The following MSH5 variants were observed in gnomAD, a reference collection of about 807,000 sequenced individuals.
The protein encoded by MSH5 is mutS homolog 5, also known as mutS protein homolog 5.
MSH5 carries 78 observed loss-of-function variants against 107.7 expected under a neutral mutation model. The observed-to-expected ratio is 0.72, with a 90% CI of 0.60 to 0.87. The LOEUF (loss-of-function observed/expected upper bound fraction) is 0.87, where lower values mean the gene tolerates loss of function less well. Ranked by LOEUF, MSH5 falls within the 40% of genes least tolerant of loss-of-function variation. The probability of loss-of-function intolerance (pLI) is 0.00; values close to 1 mark genes in which losing one functional copy is unlikely to be tolerated. For missense variants in MSH5, 889 were observed against 1,046.6 expected, an observed-to-expected ratio of 0.85 and a Z score of 2.08; for synonymous variants, 326 against 399.5, an observed-to-expected ratio of 0.82 and a Z score of 2.19.
Position 31,742,863 on chromosome 6 carries a change from G to C in MSH5, c.272-14G>C. The C allele has an allele frequency of 4.3e-6, 7 of 1,612,530 alleles. No homozygotes were observed. Among genetic ancestry groups the C allele is most frequent in the Non-Finnish European group, 5.9e-6 (7 of 1,179,550 alleles). On this transcript the variant is annotated splice_polypyrimidine_tract_variant and intron_variant, in intron 3 of 24. Transcript: ENST00000375750. ...AGATCCTTTAACTCATTTGATCTCT[G>C]TTCTCCTTCCAAGTTCTGGATGAGA...
chr6:31,760,250 G>A lies in MSH5; in HGVS notation c.1812+34G>A, dbSNP rs376281042. The A allele has an allele frequency of 1.0e-5, 16 of 1,543,690 alleles. No homozygotes were observed. The highest frequency in any genetic ancestry group is 2.8e-5 in the African/African-American group (2 of 72,534). ...AAGCCCTGCAGCCTGGGCCTCTGGC[G>A]TCTCCTGCATCTACTCCACCCCTAC... On this transcript the variant is annotated intron_variant, in intron 19 of 24. Coordinates refer to ENST00000375750, the MANE Select transcript of MSH5 (RefSeq NM_172166.4). The surrounding 1 kb of genome is among the most constrained non-coding windows in gnomAD (Gnocchi z 5.6).
chr6:31,741,980 A>C (rs1404175594), intron 3 of MSH5, among the ~76,000 whole-genome samples: 4 of 151,858 alleles, frequency 2.6e-5, no homozygotes, highest in Admixed American at 2.6e-4. Context: ...TAGAGTGAGA[A>C]CCTCTCACTC....
intron 10 of MSH5, among the ~76,000 whole-genome samples, chr6:31,753,087 G>A (rs1267929128): frequency 6.6e-6 from 1 of 152,200 alleles, no homozygotes; most frequent in Non-Finnish European, 1.5e-5. Context: ...ACTGTGATAT[G>A]TAGACACAAT....
Position 31,760,960 on chromosome 6 carries a change from G to A in MSH5, c.1962+121G>A. On this transcript the variant is annotated intron_variant, in intron 20 of 24. Coordinates refer to ENST00000375750, the MANE Select transcript of MSH5 (RefSeq NM_172166.4). The surrounding 1 kb of genome is among the most constrained non-coding windows in gnomAD (Gnocchi z 5.6). ...ATGCCCTTTATACTAAAAGTGGGGA[G>A]CACTAAGGTCAGAGATAAGAAGAAT... 1 of 1,214,652 alleles carries A rather than the reference G, an allele frequency of 8.2e-7. No homozygotes were observed. Among genetic ancestry groups the A allele is most frequent in the Non-Finnish European group, 1.1e-6 (1 of 874,464 alleles). 75.2% of individuals were successfully genotyped at this position (1,214,652 alleles called of 1,614,324 possible).
chr6:31,750,943 G>C (rs1316536783), intron 10 of MSH5, among the ~76,000 whole-genome samples: 1 of 152,124 alleles, frequency 6.6e-6, no homozygotes, highest in Non-Finnish European at 1.5e-5. Flanking sequence ...TAAGTATACA[G>C]GGATACCCGG....
chr6:31,753,308 T>C lies in MSH5; in HGVS notation c.820T>C (p.Phe274Leu). ...CCAAACCCTCACTTCCAGGCTATGG[T>C]TCACACGTCCGACTCATGACCTGGG... ...KWGEKLLRLWFTRPTHDLGEL... is the reference protein window; with the variant it reads ...KWGEKLLRLWLTRPTHDLGEL... The change falls in exon 11 of 25, where the codon TTC becomes CTC. Residue 274 changes from phenylalanine (F) to leucine (L), a missense_variant. This residue lies in a region of MSH5 where 518 missense variants were observed against 565.0 expected (regional missense o/e 0.92). Transcript: ENST00000375750. 6.2e-7 allele frequency: 1 copy of C among 1,608,124 alleles called. No individual in the cohort carries two copies.
In MSH5 at chr6:31,745,789, A is replaced by AGG. The variant is rs1562223868; in HGVS notation, c.766+470_766+471insGG. ...GGTTTTTTTTTTTTTTTTTTTTGAT[A>AGG]CAGAGTCTCGCTCTGTCGCCCAGGC... On this transcript the variant is annotated intron_variant, in intron 9 of 24. Transcript: ENST00000375750. Among the ~76,000 whole-genome samples, 70 of 119,778 alleles carry AGG rather than the reference A, an allele frequency of 5.8e-4. 1 individual carries two copies. Among genetic ancestry groups the AGG allele is most frequent in the African/African-American group, 1.5e-3 (45 of 30,042 alleles). 78.6% of individuals were successfully genotyped at this position (119,778 alleles called of 152,430 possible).
In MSH5 at chr6:31,759,666, G is replaced by T; in HGVS notation, c.1496-120G>T. On this transcript the variant is annotated intron_variant, in intron 17 of 24. Coordinates refer to ENST00000375750, the MANE Select transcript of MSH5 (RefSeq NM_172166.4). This position sits in a 1 kb window ranked among gnomAD's most constrained non-coding sequence, Gnocchi z 4.7. ...TCACTCTGACTCTATCTTTTCCTCT[G>T]AATGTCTTGAGGTCTCAGATTGTAT... is the stretch of plus-strand genomic sequence containing the variant. The T allele has an allele frequency of 7.3e-7, 1 of 1,366,960 alleles. No homozygotes were observed. 84.7% of individuals were successfully genotyped at this position (1,366,960 alleles called of 1,614,324 possible).
intron 3 of MSH5, among the ~76,000 whole-genome samples, chr6:31,741,814 A>G (rs528524632): frequency 7.9e-5 from 12 of 152,208 alleles, no homozygotes; most frequent in Non-Finnish European, 1.3e-4. Context: ...ATGGTTGGAA[A>G]GCTCAAAATT....
At chr6:31,741,318 C>G in intron 3 of MSH5, 32 bp downstream of exon 3, 1 of 1,597,818 alleles carries the variant, frequency 6.3e-7, no homozygotes. Flanking sequence ...CCTCTGCTCT[C>G]TGGGATTGCA....
chr6:31,747,765 G>T (rs768497667), intron 10 of MSH5, among the ~76,000 whole-genome samples: 4 of 152,168 alleles, frequency 2.6e-5, no homozygotes, highest in Admixed American at 6.5e-5. Flanking sequence ...CAGCACTTTG[G>T]GGGGCCAAGG....
rs200560654 is a variant in MSH5 at position 31,760,079 on chromosome 6, G to T, written c.1686-11G>T. ...CACAAGCCATGCGAGGTGCCTCTCC[G>T]CCCACTGCAGACATCCTCTGATGGA... is the stretch of plus-strand genomic sequence containing the variant. On this transcript the variant is annotated splice_polypyrimidine_tract_variant and intron_variant, in intron 18 of 24. Transcript: ENST00000375750. The surrounding 1 kb of genome is among the most constrained non-coding windows in gnomAD (Gnocchi z 5.6). The T allele has an allele frequency of 1.2e-4, 188 of 1,600,814 alleles. No homozygotes were observed. Among genetic ancestry groups the T allele is most frequent in the Non-Finnish European group, 7.5e-5 (88 of 1,172,414 alleles).
In MSH5 at chr6:31,759,132, C is replaced by T. The variant is rs769273879; in HGVS notation, c.1362C>T (p.Ser454=). 5 of 1,612,994 alleles carry T rather than the reference C, an allele frequency of 3.1e-6. No individual in the cohort carries two copies. The highest frequency in any genetic ancestry group is 3.4e-6 in the Non-Finnish European group (4 of 1,180,026). ...GFLLSIPRLP[S]MVEASDFEIN... Reference sequence around the variant, plus strand: ...TTCTTTCTATTCCCCGCCTGCCTTCCATGGTAGAGGCCAGTGACTTTGAGA... The same window carrying T: ...TTCTTTCTATTCCCCGCCTGCCTTCTATGGTAGAGGCCAGTGACTTTGAGA... Residue 454 remains serine, a synonymous_variant, in exon 16 of 25, where the codon TCC becomes TCT. Transcript: ENST00000375750. This position sits in a 1 kb window ranked among gnomAD's most constrained non-coding sequence, Gnocchi z 4.7.
At chr6:31,750,476 A>G (rs901743472) in intron 10 of MSH5, among the ~76,000 whole-genome samples, 2 of 152,204 alleles carry the variant, frequency 1.3e-5, no homozygotes, top group African/African-American at 4.8e-5. Flanking sequence ...AGCTGTTCTC[A>G]TTGGCGGTAT....
intron 8 of MSH5, among the ~76,000 whole-genome samples, chr6:31,744,887 G>T (rs917587291): frequency 1.3e-5 from 2 of 152,146 alleles, no homozygotes; most frequent in Non-Finnish European, 1.5e-5. Flanking sequence ...GCCAAGGCGG[G>T]TGGATCGCCT....
Position 31,759,599 on chromosome 6 carries a change from A to G in MSH5, c.1495+87A>G, listed in dbSNP as rs1186649036. On this transcript the variant is annotated intron_variant, in intron 17 of 24. Coordinates refer to ENST00000375750, the MANE Select transcript of MSH5 (RefSeq NM_172166.4). The surrounding 1 kb of genome is among the most constrained non-coding windows in gnomAD (Gnocchi z 4.7). ...AAGGAGGGGAGTGGGCAACTTGGGG[A>G]TGCTTCCAACAGGCCCCTCCTCTTC... 4 of 1,459,980 alleles carry G rather than the reference A, an allele frequency of 2.7e-6. No individual in the cohort carries two copies. Among genetic ancestry groups the G allele is most frequent in the Admixed American group, 1.8e-5 (1 of 55,890 alleles). 90.4% of individuals were successfully genotyped at this position (1,459,980 alleles called of 1,614,324 possible). A position where few individuals can be genotyped will look rare whatever the true frequency, so the allele number is the denominator to read the frequency against.
chr6:31,745,123 A>G lies in MSH5; in HGVS notation c.684-114A>G, dbSNP rs1208226963. The G allele has an allele frequency of 7.8e-6, 5 of 638,216 alleles. No homozygotes were observed. In the African/African-American group the frequency reaches 9.5e-5, roughly 12 times the overall value. The allele number at this position is 638,216 out of a possible 1,614,324, so 39.5% of individuals were successfully genotyped here. A position where few individuals can be genotyped will look rare whatever the true frequency, so the allele number is the denominator to read the frequency against. ...CATCTCAAAAAAAAAAAAAAAAAAAAAAAGACGTGATCTCAGGAGGATATC... is the reference window on the plus strand; with the variant it reads ...CATCTCAAAAAAAAAAAAAAAAAAAGAAAGACGTGATCTCAGGAGGATATC... On this transcript the variant is annotated intron_variant, in intron 8 of 24. Coordinates refer to ENST00000375750, the MANE Select transcript of MSH5 (RefSeq NM_172166.4).
chr6:31,758,932 T>A lies in MSH5; in HGVS notation c.1326+57T>A. The A allele has an allele frequency of 6.6e-7, 1 of 1,508,062 alleles. No individual in the cohort carries two copies. Among genetic ancestry groups the A allele is most frequent in the Non-Finnish European group, 9.2e-7 (1 of 1,084,766 alleles). 93.4% of individuals were successfully genotyped at this position (1,508,062 alleles called of 1,614,324 possible). A position where few individuals can be genotyped will look rare whatever the true frequency, so the allele number is the denominator to read the frequency against. Reference sequence around the variant, plus strand: ...ATGTCTTTTGGGGGAGATATTAGGCTTATGAAAGACATACTGGTAGATAAG... The same window carrying A: ...ATGTCTTTTGGGGGAGATATTAGGCATATGAAAGACATACTGGTAGATAAG... On this transcript the variant is annotated intron_variant, in intron 15 of 24. Transcript: ENST00000375750. This position sits in a 1 kb window ranked among gnomAD's most constrained non-coding sequence, Gnocchi z 5.1.
At chr6:31,757,962 G>C in intron 12 of MSH5, 1 of 642,684 alleles carries the variant, frequency 1.6e-6, no homozygotes, top group Non-Finnish European at 2.6e-6. Context: ...GAGCCACTGT[G>C]CCTGGCCAGG....
Sources: allele counts gnomAD v4.1 joint callset (sites outside exome capture counted in the v4.1 genomes callset), GRCh38; gene constraint gnomAD v4.1.1; regional missense constraint gnomAD v4.1.1; non-coding constraint Gnocchi (gnomAD v3.1); transcripts MANE v1.5; gene names NCBI Gene and HGNC (gene_info 2026-07-23, HGNC 2026-07-21).